The following HNRNPM variants were observed in gnomAD, a reference collection of about 807,000 sequenced individuals.
HNRNPM encodes the protein heterogeneous nuclear ribonucleoprotein M, also known as CEA receptor.
HNRNPM carries 11 observed loss-of-function variants against 73.1 expected under a neutral mutation model. The ratio of observed to expected loss-of-function variants is 0.15; its 90% CI spans 0.09 to 0.25. HNRNPM has a LOEUF of 0.25. Ranked by LOEUF, HNRNPM falls within the 10% of genes least tolerant of loss-of-function variation. The pLI, the probability that HNRNPM is intolerant of heterozygous loss-of-function variation, is 1.00. For synonymous variants in HNRNPM, 407 were observed against 355.2 expected, an observed-to-expected ratio of 1.15 and a Z score of -1.64; for missense variants, 789 against 1,067.9, an observed-to-expected ratio of 0.74 and a Z score of 3.64.
chr19:8,462,469 C>G lies in HNRNPM; in HGVS notation c.284-60C>G. 1 of 1,410,036 alleles carries G rather than the reference C, an allele frequency of 7.1e-7. No individual in the cohort carries two copies. Among genetic ancestry groups the G allele is most frequent in the Non-Finnish European group, 1.0e-6 (1 of 993,886 alleles). The allele number at this position is 1,410,036 out of a possible 1,614,324, so 87.3% of individuals were successfully genotyped here. Reference sequence around the variant, plus strand: ...AGGTTGCTGATGATTGTTCTAAATTCCCATTGTTTTCTTGGCTTTTCTCCC... The same window carrying G: ...AGGTTGCTGATGATTGTTCTAAATTGCCATTGTTTTCTTGGCTTTTCTCCC... On this transcript the variant is annotated intron_variant, in intron 2 of 15. Transcript: ENST00000325495. The surrounding 1 kb of genome is among the most constrained non-coding windows in gnomAD (Gnocchi z 4.5).
chr19:8,452,366 C>G (rs916339966), intron 1 of HNRNPM, among the ~76,000 whole-genome samples: 1 of 152,178 alleles, frequency 6.6e-6, no homozygotes, highest in Non-Finnish European at 1.5e-5. Context: ...ATCTGTGAAT[C>G]CTCTGGTGGA....
At chr19:8,448,571 G>A (rs1038844550) in intron 1 of HNRNPM, among the ~76,000 whole-genome samples, 4 of 150,988 alleles carry the variant, frequency 2.6e-5, no homozygotes, top group Admixed American at 1.3e-4. Context: ...ACCGCTTCCC[G>A]GGTTCACGCC....
intron 10 of HNRNPM, among the ~76,000 whole-genome samples, chr19:8,471,996 C>A (rs1970174665): frequency 6.6e-6 from 1 of 151,930 alleles, no homozygotes; most frequent in African/African-American, 2.4e-5. Flanking sequence ...CATGGTGAAA[C>A]CCCATCTCTA....
Position 8,466,338 on chromosome 19 carries a change from G to C in HNRNPM, c.734G>C (p.Gly245Ala). The C allele has an allele frequency of 6.2e-7, 1 of 1,614,130 alleles. No individual in the cohort carries two copies. Residue 245 changes from glycine (G) to alanine (A), a missense_variant, in exon 7 of 16, where the codon GGA becomes GCA. Physicochemically the swap from Gly to Ala is moderately conservative, Grantham distance 60. This residue lies in a region of HNRNPM where 604 missense variants were observed against 744.0 expected (regional missense o/e 0.81). Coordinates refer to ENST00000325495, the MANE Select transcript of HNRNPM (RefSeq NM_005968.5). The part of the protein sequence containing the change: ...ILEDKDGKSR[G>A]IGTVTFEQSI... ...GAAGATAAAGATGGAAAAAGTCGTG[G>C]AATAGGCACTGTTACTTTTGAACAG...
At chr19:8,486,462 C>G in intron 14 of HNRNPM, 57 bp downstream of exon 14, 3 of 1,427,762 alleles carry the variant, frequency 2.1e-6, no homozygotes, top group Non-Finnish European at 2.8e-6. Context: ...ACAGGGGAGG[C>G]AAAGATCAGC....
chr19:8,477,861 G>T (rs1970628319), intron 12 of HNRNPM, among the ~76,000 whole-genome samples: 1 of 152,128 alleles, frequency 6.6e-6, no homozygotes, highest in Non-Finnish European at 1.5e-5. Context: ...TTCTGCACTG[G>T]ATTTGAGTCC....
At chr19:8,451,460 T>C (rs978134308) in intron 1 of HNRNPM, among the ~76,000 whole-genome samples, 1 of 151,322 alleles carries the variant, frequency 6.6e-6, no homozygotes, top group Non-Finnish European at 1.5e-5. Flanking sequence ...GGATTGGACA[T>C]GTTAAAAAAA....
rs143559469 is a variant in HNRNPM at position 8,465,219 on chromosome 19, A to C, written c.439-105A>C. 17 of 937,844 alleles carry C rather than the reference A, an allele frequency of 1.8e-5. No individual in the cohort carries two copies. In the African/African-American group the frequency reaches 2.9e-4, roughly 16 times the overall value. The allele number at this position is 937,844 out of a possible 1,614,324, so 58.1% of individuals were successfully genotyped here. ...TTAATAGATTTGAGAGATGCTTTCC[A>C]AACAACCTTTCAGTTTCTAAGTCTT... On this transcript the variant is annotated intron_variant, in intron 5 of 15. Coordinates refer to ENST00000325495, the MANE Select transcript of HNRNPM (RefSeq NM_005968.5).
At chr19:8,467,943 C>A (rs966050199) in intron 8 of HNRNPM, among the ~76,000 whole-genome samples, 1 of 152,150 alleles carries the variant, frequency 6.6e-6, no homozygotes, top group Non-Finnish European at 1.5e-5. Flanking sequence ...AGGAGAATCA[C>A]TTGAACGTGG....
At chr19:8,485,014 C>G (rs1359931322) in intron 13 of HNRNPM, among the ~76,000 whole-genome samples, 1 of 151,968 alleles carries the variant, frequency 6.6e-6, no homozygotes, top group Non-Finnish European at 1.5e-5. Context: ...CATTTGTACA[C>G]AGAGGATCTC....
intron 12 of HNRNPM, 99 bp downstream of exon 12, chr19:8,474,343 C>T: frequency 4.3e-6 from 3 of 690,072 alleles, no homozygotes; most frequent in Non-Finnish European, 7.0e-6. Flanking sequence ...AGTGGTTTCT[C>T]ACTTCTGCTT....
At chr19:8,487,121 G>A (rs1313233334) in intron 15 of HNRNPM, 46 bp downstream of exon 15, 3 of 1,537,682 alleles carry the variant, frequency 2.0e-6, no homozygotes, top group Non-Finnish European at 2.7e-6. Context: ...CGTGCTTGTT[G>A]GTGACGCAGC....
intron 9 of HNRNPM, among the ~76,000 whole-genome samples, chr19:8,470,712 T>C (rs768133773): frequency 2.9e-4 from 44 of 152,210 alleles, no homozygotes; most frequent in Non-Finnish European, 5.3e-4. Context: ...TCAGCTCTTT[T>C]GGCTGTTTCC....
At chr19:8,461,354 A>G (rs1000055547) in intron 2 of HNRNPM, among the ~76,000 whole-genome samples, 3 of 152,346 alleles carry the variant, frequency 2.0e-5, no homozygotes, top group African/African-American at 7.2e-5. Context: ...AAAGAGTTGG[A>G]ATAGGCATGA....
At chr19:8,452,838 A>T (rs1438698907) in intron 1 of HNRNPM, among the ~76,000 whole-genome samples, 1 of 152,120 alleles carries the variant, frequency 6.6e-6, no homozygotes, top group African/African-American at 2.4e-5. Context: ...AATTTTTCCA[A>T]GTAAATACGT....
chr19:8,471,726 C>T (rs758043924), intron 10 of HNRNPM, among the ~76,000 whole-genome samples: 2 of 152,156 alleles, frequency 1.3e-5, no homozygotes, highest in Non-Finnish European at 2.9e-5. Context: ...TGCTCAAGGT[C>T]ACACTGTCAG....
intron 6 of HNRNPM, among the ~76,000 whole-genome samples, chr19:8,466,029 A>G (rs1969720992): frequency 6.6e-6 from 1 of 152,194 alleles, no homozygotes; most frequent in Non-Finnish European, 1.5e-5. Context: ...AAAAGAGACA[A>G]TATATTTACT....
chr19:8,468,491 CA>C (rs1969910715), intron 8 of HNRNPM, among the ~76,000 whole-genome samples: 1 of 152,092 alleles, frequency 6.6e-6, no homozygotes, highest in Non-Finnish European at 1.5e-5. Flanking sequence ...TCACGTGACT[CA>C]AAAGTCAAAA....
chr19:8,466,177 A>C (rs1969730721), intron 6 of HNRNPM, 58 bp from the exon 7 acceptor site: 1 of 1,509,822 alleles, frequency 6.6e-7, no homozygotes, highest in South Asian at 1.2e-5. Flanking sequence ...TGTAGTAAAA[A>C]TGTTGTGTTT....
Sources: gnomAD v4.1 joint callset for allele counts (sites outside exome capture counted in the v4.1 genomes callset) on GRCh38, gnomAD v4.1.1 for gene constraint, gnomAD v4.1.1 regional missense constraint, Gnocchi (gnomAD v3.1) non-coding constraint, MANE v1.5 for transcripts, NCBI Gene and HGNC (gene_info 2026-07-23, HGNC 2026-07-21) for gene names.